Variants in UTRN observed in about 807,000 individuals in gnomAD.
The protein encoded by UTRN is utrophin, also known as dystrophin-related protein 1.
UTRN carries 283 observed loss-of-function variants against 463.9 expected under a neutral mutation model. The observed-to-expected ratio is 0.61, with a 90% CI of 0.55 to 0.67. UTRN has a LOEUF of 0.67. UTRN is among the 30% of genes least tolerant of loss of function. The probability of loss-of-function intolerance (pLI) is 0.00; values close to 1 mark genes in which losing one functional copy is unlikely to be tolerated. For missense variants in UTRN, 3,922 were observed against 4,084.3 expected, an observed-to-expected ratio of 0.96 and a Z score of 1.08; for synonymous variants, 1,442 against 1,431.5, an observed-to-expected ratio of 1.01 and a Z score of -0.17.
chr6:144,721,301 TC>T (rs1787131587), intron 53 of UTRN, among the ~76,000 whole-genome samples: 1 of 152,144 alleles, frequency 6.6e-6, no homozygotes, highest in Non-Finnish European at 1.5e-5. Flanking sequence ...AGCCTCAAAC[TC>T]CTGGAGCCAA....
At chr6:144,448,855 T>C in intron 17 of UTRN, 86 bp downstream of exon 17, 2 of 1,417,988 alleles carry the variant, frequency 1.4e-6, no homozygotes, top group East Asian at 2.4e-5. Flanking sequence ...TAATCATTAA[T>C]CATAGGCAAA....
intron 53 of UTRN, among the ~76,000 whole-genome samples, chr6:144,700,841 C>T (rs944924587): frequency 4.6e-5 from 7 of 151,902 alleles, no homozygotes; most frequent in African/African-American, 1.7e-4. Flanking sequence ...TCAAGTGATT[C>T]TCCTGCCTCA....
At chr6:144,703,383 A>G (rs1784778736) in intron 53 of UTRN, among the ~76,000 whole-genome samples, 1 of 152,214 alleles carries the variant, frequency 6.6e-6, no homozygotes, top group South Asian at 2.1e-4. Flanking sequence ...GATGAGTTAG[A>G]AGAAAGATCA....
At chr6:144,485,540 CG>C (rs1562471620) in intron 28 of UTRN, 21 bp downstream of exon 28, 1 of 1,613,884 alleles carries the variant, frequency 6.2e-7, no homozygotes, top group South Asian at 1.1e-5. Flanking sequence ...GTGATCTCCA[CG>C]GCATTTCTCT....
chr6:144,645,003 C>A (rs888529772), intron 51 of UTRN, among the ~76,000 whole-genome samples: 2 of 152,166 alleles, frequency 1.3e-5, no homozygotes, highest in Non-Finnish European at 2.9e-5. Flanking sequence ...CAAAACAGTT[C>A]ATGTGGACTT....
In UTRN at chr6:144,732,846, G is replaced by A. The variant is rs566055128; in HGVS notation, c.7939+2360G>A. On this transcript the variant is annotated intron_variant, in intron 54 of 74. Transcript: ENST00000367545. ...TCCTCCCACCTCAGCCTACTGAGTAGCTGAGACTACCACAGACTATCTTTT... is the reference window on the plus strand; with the variant it reads ...TCCTCCCACCTCAGCCTACTGAGTAACTGAGACTACCACAGACTATCTTTT... Among the ~76,000 whole-genome samples the A allele has an allele frequency of 3.9e-5, 6 of 152,186 alleles. No homozygotes were observed. The East Asian group carries it at 1.2e-3, about 29-fold the overall frequency.
At chr6:144,397,174 G>A (rs1448659034) in intron 2 of UTRN, among the ~76,000 whole-genome samples, 1 of 152,118 alleles carries the variant, frequency 6.6e-6, no homozygotes, top group Non-Finnish European at 1.5e-5. Context: ...AACCTGGGAG[G>A]CAGAGGTTGC....
Position 144,285,661 on chromosome 6 carries a change from G to C in UTRN, c.-253G>C, listed in dbSNP as rs1056542971. On this transcript the variant is annotated 5_prime_UTR_variant, in exon 1 of 75. Transcript: ENST00000367545. Reference sequence around the variant, plus strand: ...TTTTTTAAAATTTCGGTTCGTGTCTGCTTCTCCAAGCTTTATTTTTTTTTT... The same window carrying C: ...TTTTTTAAAATTTCGGTTCGTGTCTCCTTCTCCAAGCTTTATTTTTTTTTT... The C allele has an allele frequency of 1.3e-5, 2 of 152,044 alleles. No individual in the cohort carries two copies. Among genetic ancestry groups the C allele is most frequent in the African/African-American group, 2.4e-5 (1 of 41,390 alleles). 9.4% of individuals were successfully genotyped at this position (152,044 alleles called of 1,614,324 possible). A position where few individuals can be genotyped will look rare whatever the true frequency, so the allele number is the denominator to read the frequency against.
At chr6:144,521,811 G>T (rs935270316) in intron 39 of UTRN, among the ~76,000 whole-genome samples, 169 bp from the exon 40 acceptor site, 6 of 151,732 alleles carry the variant, frequency 4.0e-5, no homozygotes, top group African/African-American at 7.3e-5. Context: ...GATTGTTAAG[G>T]TTTTCTGTTG....
At chr6:144,784,652 C>T (rs1776147978) in intron 61 of UTRN, among the ~76,000 whole-genome samples, 1 of 152,188 alleles carries the variant, frequency 6.6e-6, no homozygotes, top group Admixed American at 6.5e-5. Flanking sequence ...TTTCACTGGA[C>T]AGCCCAAAGG....
intron 23 of UTRN, among the ~76,000 whole-genome samples, chr6:144,465,613 T>A (rs1789873807): frequency 6.6e-6 from 1 of 152,208 alleles, no homozygotes; most frequent in South Asian, 2.1e-4. Flanking sequence ...AATACATGTT[T>A]TATCTTAAAT....
intron 66 of UTRN, among the ~76,000 whole-genome samples, chr6:144,824,612 A>ATT (rs1562955125): frequency 1.5e-4 from 6 of 39,800 alleles, no homozygotes; most frequent in Non-Finnish European, 2.6e-4. Flanking sequence ...ATATATATAT[A>ATT]TCTTTTTTTT....
At chr6:144,386,916 ATACTCCAT>A (rs1781472713) in intron 2 of UTRN, among the ~76,000 whole-genome samples, 1 of 152,174 alleles carries the variant, frequency 6.6e-6, no homozygotes, top group African/African-American at 2.4e-5. Flanking sequence ...CACTTCCGAA[ATACTCCAT>A]TTTTTCTTAT....
chr6:144,407,466 CAGCTATCCAAACTTTCCCTATTT>C (rs1301926243), intron 3 of UTRN, among the ~76,000 whole-genome samples: 1 of 152,120 alleles, frequency 6.6e-6, no homozygotes, highest in Non-Finnish European at 1.5e-5. Flanking sequence ...TAAACAAATC[CAGCTATCCAAACTTTCCCTATTT>C]ACCTGATTTC....
At chr6:144,522,956 T>G in intron 40 of UTRN, 60 bp from the exon 41 acceptor site, 1 of 1,268,602 alleles carries the variant, frequency 7.9e-7, no homozygotes, top group South Asian at 1.6e-5. Flanking sequence ...TCTGGTCATC[T>G]GTGATTCCTT....
At chr6:144,458,674 A>T (rs541395587) in intron 19 of UTRN, 96 bp from the exon 20 acceptor site, 74 of 1,409,060 alleles carry the variant, frequency 5.3e-5, no homozygotes, top group Non-Finnish European at 6.9e-5. Context: ...TATGTGTGAC[A>T]TTGCCTCACT....
At chr6:144,838,922 G>A in intron 71 of UTRN, 1 of 370,990 alleles carries the variant, frequency 2.7e-6, no homozygotes, top group East Asian at 4.8e-5. Flanking sequence ...CAGAAAAATT[G>A]AGGGATAAAA....
chr6:144,429,261 G>T (rs1785573082), intron 8 of UTRN, among the ~76,000 whole-genome samples: 1 of 152,108 alleles, frequency 6.6e-6, no homozygotes, highest in Admixed American at 6.5e-5. Context: ...AATGTTGCAG[G>T]ATTGAATTCT....
chr6:144,429,882 C>T (rs1181791845), intron 9 of UTRN, 141 bp downstream of exon 9: 2 of 835,444 alleles, frequency 2.4e-6, no homozygotes, highest in Admixed American at 3.1e-5. Context: ...AGAAGTTCAG[C>T]TTAGCAGTTA....
Sources: allele counts gnomAD v4.1 joint callset (sites outside exome capture counted in the v4.1 genomes callset), GRCh38; gene constraint gnomAD v4.1.1; transcripts MANE v1.5; gene names NCBI Gene and HGNC (gene_info 2026-07-23, HGNC 2026-07-21).